TAFA4: variants seen among roughly 807,000 people sequenced by gnomAD.
The protein encoded by TAFA4 is chemokine-like protein TAFA-4.
TAFA4 carries 20 observed loss-of-function variants against 21.1 expected under a neutral mutation model. That is an observed-to-expected ratio of 0.95 (90% CI 0.67 to 1.38). TAFA4 has a LOEUF of 1.38. TAFA4 is among the 40% of genes most tolerant of loss of function. The probability of loss-of-function intolerance (pLI) is 0.00; values close to 1 mark genes in which losing one functional copy is unlikely to be tolerated. For missense variants in TAFA4, 211 were observed against 180.9 expected, an observed-to-expected ratio of 1.17 and a Z score of -0.95; for synonymous variants, 71 against 67.4, an observed-to-expected ratio of 1.05 and a Z score of -0.26.
At chr3:68,916,252 T>C (rs924987970) in intron 1 of TAFA4, 2 of 152,262 alleles carry the variant, frequency 1.3e-5, no homozygotes, top group African/African-American at 4.8e-5. Flanking sequence ...CTTCAATTTA[T>C]TTGAGAATAA....
intron 3 of TAFA4, among the ~76,000 whole-genome samples, chr3:68,831,801 C>T (rs1343390015): frequency 3.9e-5 from 6 of 152,156 alleles, no homozygotes; most frequent in Non-Finnish European, 7.3e-5. Flanking sequence ...CCATTCTCCC[C>T]ATCACTTTCA....
At chr3:68,842,291 T>C (rs769622107) in intron 3 of TAFA4, among the ~76,000 whole-genome samples, 22 of 152,250 alleles carry the variant, frequency 1.4e-4, no homozygotes, top group Non-Finnish European at 2.8e-4. Context: ...ATTTCTCTAA[T>C]GGCCAGTAAT....
chr3:68,739,080 T>C lies in TAFA4; in HGVS notation c.406A>G (p.Thr136Ala). Residue 136 changes from threonine to alanine, a missense_variant, in exon 5 of 6, where the codon ACG becomes GCG. Transcript: ENST00000295569. ...TGCATTTTGTCTATACTTGCCTTCG[T>C]AGTTTTGACTTTATTGCCACTGCTA... Reference protein sequence around the residue: ...SCSSGNKVKTTKVTR With the variant: ...SCSSGNKVKTAKVTR The C allele has an allele frequency of 6.2e-7, 1 of 1,613,710 alleles. No individual in the cohort carries two copies. Among genetic ancestry groups the C allele is most frequent in the South Asian group, 1.1e-5 (1 of 90,984 alleles).
At chr3:68,866,077 G>A (rs1207558936) in intron 3 of TAFA4, among the ~76,000 whole-genome samples, 1 of 152,068 alleles carries the variant, frequency 6.6e-6, no homozygotes, top group Non-Finnish European at 1.5e-5. Context: ...AGTGCCGGTA[G>A]GGAGAAAATC....
intron 1 of TAFA4, among the ~76,000 whole-genome samples, chr3:68,906,010 T>C (rs1280596375): frequency 1.3e-5 from 2 of 152,112 alleles, no homozygotes; most frequent in Non-Finnish European, 2.9e-5. Context: ...CCCAGGGCAT[T>C]TGGGAAAGGT....
intron 5 of TAFA4, among the ~76,000 whole-genome samples, chr3:68,735,086 G>A (rs1702214818): frequency 6.6e-6 from 1 of 152,062 alleles, no homozygotes; most frequent in Non-Finnish European, 1.5e-5. Context: ...CCATTCATCA[G>A]GGTACCCTGA....
At chr3:68,844,647 G>A (rs1193691691) in intron 3 of TAFA4, among the ~76,000 whole-genome samples, 2 of 152,106 alleles carry the variant, frequency 1.3e-5, no homozygotes, top group African/African-American at 2.4e-5. Context: ...CTTCCCCTGT[G>A]GGCACTTAGT....
At chr3:68,736,697 A>G (rs1484957504) in intron 5 of TAFA4, among the ~76,000 whole-genome samples, 2 of 152,168 alleles carry the variant, frequency 1.3e-5, no homozygotes, top group Admixed American at 6.6e-5. Context: ...GGTCAGTAAC[A>G]ATTTTAAGAA....
chr3:68,757,389 T>A (rs1702678056), intron 3 of TAFA4, among the ~76,000 whole-genome samples: 1 of 152,066 alleles, frequency 6.6e-6, no homozygotes, highest in Non-Finnish European at 1.5e-5. Flanking sequence ...TATAATCACA[T>A]TTGGGGTTAG....
chr3:68,750,115 A>C (rs1479858840), intron 4 of TAFA4, among the ~76,000 whole-genome samples: 1 of 152,130 alleles, frequency 6.6e-6, no homozygotes, highest in Non-Finnish European at 1.5e-5. Flanking sequence ...TTTTGCCATA[A>C]ACACAATCAA....
intron 3 of TAFA4, among the ~76,000 whole-genome samples, chr3:68,808,849 G>A (rs1191000267): frequency 6.6e-6 from 1 of 152,196 alleles, no homozygotes; most frequent in South Asian, 2.1e-4. Context: ...AATGAGCCAT[G>A]TTTCTGGCTC....
In TAFA4 at chr3:68,733,109, C is replaced by G. The variant is rs929839637; in HGVS notation, c.*33G>C. ...AGCAAAAGAGCTCCGCCTCCTGCTG[C>G]CCCTCCAGGATTGAAGCACACCTCT... On this transcript the variant is annotated 3_prime_UTR_variant, in exon 6 of 6. Coordinates refer to ENST00000295569, the MANE Select transcript of TAFA4 (RefSeq NM_182522.5). 1.2e-6 allele frequency: 2 copies of G among 1,612,392 alleles called. No homozygotes were observed. The highest frequency in any genetic ancestry group is 1.7e-6 in the Non-Finnish European group (2 of 1,179,186).
chr3:68,748,679 G>A (rs1702506029), intron 4 of TAFA4, among the ~76,000 whole-genome samples: 1 of 151,946 alleles, frequency 6.6e-6, no homozygotes, highest in African/African-American at 2.4e-5. Context: ...GGGAGGCAGA[G>A]GTTGCCGTGA....
At chr3:68,774,515 A>G (rs4855509) in intron 3 of TAFA4, among the ~76,000 whole-genome samples, 6,531 of 152,316 alleles carry the variant, frequency 0.043, 368 homozygotes, top group East Asian at 0.25. Context: ...ATATCAGTAA[A>G]TGTTGAGCAT....
chr3:68,895,627 A>G (rs773648664), intron 1 of TAFA4, among the ~76,000 whole-genome samples: 7 of 152,126 alleles, frequency 4.6e-5, no homozygotes, highest in African/African-American at 1.7e-4. Flanking sequence ...ACTTAGACAG[A>G]AGAGCTAGCA....
At position 68,881,874 on chromosome 3, in the gene TAFA4, C is replaced by A. The variant is rs149312931; in HGVS notation, c.15-1029G>T. On this transcript the variant is annotated intron_variant, in intron 2 of 5. Transcript: ENST00000295569. ...TCCAGCTCCCAGCAACCTAGCAGTG[C>A]CTCTACGAAAGTCCCAGTCCCCTAC... Among the ~76,000 whole-genome samples, 6 of 152,286 alleles carry A rather than the reference C, an allele frequency of 3.9e-5. No individual in the cohort carries two copies. In the East Asian group the frequency reaches 9.7e-4, roughly 24 times the overall value.
intron 3 of TAFA4, among the ~76,000 whole-genome samples, chr3:68,781,352 C>CA (rs35813385): frequency 0.33 from 50,118 of 151,418 alleles, 9,306 homozygotes; most frequent in East Asian, 0.68. Flanking sequence ...GTCTGCTCTT[C>CA]AAAAGGCCAG....
At chr3:68,847,295 C>A (rs536144790) in intron 3 of TAFA4, among the ~76,000 whole-genome samples, 2 of 152,206 alleles carry the variant, frequency 1.3e-5, no homozygotes, top group Non-Finnish European at 2.9e-5. Context: ...GTTTGAACAT[C>A]CAGGCCACTT....
chr3:68,850,919 G>T (rs1161514053), intron 3 of TAFA4, among the ~76,000 whole-genome samples: 7 of 152,052 alleles, frequency 4.6e-5, no homozygotes. Context: ...TGCTTTTGTA[G>T]CCATTGCTTT....
Sources: gnomAD v4.1 joint callset for allele counts (sites outside exome capture counted in the v4.1 genomes callset) on GRCh38, gnomAD v4.1.1 for gene constraint, MANE v1.5 for transcripts, NCBI Gene and HGNC (gene_info 2026-07-23, HGNC 2026-07-21) for gene names.